The following STX10 variants were observed in gnomAD, a reference collection of about 807,000 sequenced individuals.
The protein encoded by STX10 is syntaxin-10.
A neutral mutation model predicts 34.1 loss-of-function variants in STX10; 35 were observed. That is an observed-to-expected ratio of 1.03 (90% confidence interval 0.78 to 1.36). The LOEUF (loss-of-function observed/expected upper bound fraction) is 1.36, where lower values mean the gene tolerates loss of function less well. Among genes scored for constraint, STX10 ranks in the 40% most tolerant of loss-of-function variants. STX10 has a pLI of 0.00. For missense variants in STX10, 361 were observed against 335.5 expected, an observed-to-expected ratio of 1.08 and a Z score of -0.59; for synonymous variants, 155 against 132.9, an observed-to-expected ratio of 1.17 and a Z score of -1.15.
chr19:13,145,832 T>C (rs2019886391), intron 4 of STX10, among the ~76,000 whole-genome samples: 2 of 151,934 alleles, frequency 1.3e-5, no homozygotes, highest in South Asian at 4.1e-4. Context: ...GAGAGCAGCC[T>C]GGCCAACATG....
intron 4 of STX10, among the ~76,000 whole-genome samples, chr19:13,147,921 C>A (rs1207431153): frequency 7.7e-6 from 1 of 129,638 alleles, no homozygotes; most frequent in South Asian, 2.6e-4. Context: ...AAAAAATTAG[C>A]CGGGTGTGGT....
rs1488834848 is a variant in STX10, at chr19:13,144,807, G to C, written c.535C>G (p.His179Asp). Residue 179 changes from histidine (H) to aspartate (D), a missense_variant, in exon 6 of 8, where the codon CAC becomes GAC. Physicochemically the swap from His to Asp is moderately conservative, Grantham distance 81. Transcript: ENST00000587230. ...MVSGSIQVLK[H>D]MSGRVGEELD... ...TCTTCTCCAACGCGGCCGGACATGT[G>C]CTTCAGAACCTGGATGCTCCCAGAC... The C allele has an allele frequency of 6.2e-7, 1 of 1,613,908 alleles. No individual in the cohort carries two copies. The highest frequency in any genetic ancestry group is 1.3e-5 in the African/African-American group (1 of 74,944).
intron 4 of STX10, among the ~76,000 whole-genome samples, chr19:13,147,079 A>AACACACACACACACAC (rs55785762): frequency 9.6e-5 from 14 of 145,140 alleles, no homozygotes; most frequent in Non-Finnish European, 1.4e-4. Flanking sequence ...GAAACACAGA[A>AACACACACACACACAC]ACACACACAC....
rs2020034184 is a variant in STX10 at position 13,150,266 on chromosome 19, G to A, written c.-93C>T. 2 of 657,314 alleles carry A rather than the reference G, an allele frequency of 3.0e-6. No homozygotes were observed. Among genetic ancestry groups the A allele is most frequent in the South Asian group, 3.3e-5 (2 of 61,498 alleles). 40.7% of individuals were successfully genotyped at this position (657,314 alleles called of 1,614,324 possible). A position where few individuals can be genotyped will look rare whatever the true frequency, so the allele number is the denominator to read the frequency against. ...CCGAGGAGAACGCGCCGCCACCCCC[G>A]CCCCCGTCACGCCACCATCGAGAGC... is the stretch of plus-strand genomic sequence containing the variant. On this transcript the variant is annotated 5_prime_UTR_variant, in exon 1 of 8. Transcript: ENST00000587230. This position sits in a 1 kb window ranked among gnomAD's most constrained non-coding sequence, Gnocchi z 4.0.
In STX10 at chr19:13,144,361, T is replaced by G; in HGVS notation, c.*49A>C. ...GGGGGCGAGGCCAGCTCCAAAGTGCTTGGTGGCTCCCCAGGCTTAAGGGAC... is the reference window on the plus strand; with the variant it reads ...GGGGGCGAGGCCAGCTCCAAAGTGCGTGGTGGCTCCCCAGGCTTAAGGGAC... On this transcript the variant is annotated 3_prime_UTR_variant, in exon 8 of 8. Coordinates refer to ENST00000587230, the MANE Select transcript of STX10 (RefSeq NM_003765.3). 6.3e-7 allele frequency: 1 copy of G among 1,584,152 alleles called. No individual in the cohort carries two copies. The highest frequency in any genetic ancestry group is 8.6e-7 in the Non-Finnish European group (1 of 1,166,790).
Position 13,145,320 on chromosome 19 carries a change from G to C in STX10, c.439C>G (p.Arg147Gly), listed in dbSNP as rs546725617. ...LDASAVSATSRYIEEQQATQQ... is the reference protein window; with the variant it reads ...LDASAVSATSGYIEEQQATQQ... The stretch of plus-strand genomic sequence containing the variant: ...GTGGCCTGCTGCTCCTCGATGTAGC[G>C]AGATGTGGCCGAGACTGCGCTGGCA... The change falls in exon 5 of 8, where the codon CGC (arginine) becomes GGC (glycine). Residue 147 changes from arginine to glycine, a missense_variant. Transcript: ENST00000587230. 1.2e-6 allele frequency: 2 copies of C among 1,611,832 alleles called. No homozygotes were observed. The highest frequency in any genetic ancestry group is 1.3e-5 in the African/African-American group (1 of 75,064).
At position 13,149,549 on chromosome 19, in the gene STX10, C is replaced by G. The variant is rs1373752088; in HGVS notation, c.250G>C (p.Asp84His). 1 of 1,614,128 alleles carries G rather than the reference C, an allele frequency of 6.2e-7. No individual in the cohort carries two copies. The highest frequency in any genetic ancestry group is 8.5e-7 in the Non-Finnish European group (1 of 1,180,036). ...NPGKFKLPAG[D>H]LQERKVFVER... ...ACGAACACCTTTCTCTCCTGCAGGT[C>G]CCCGGCTGGGAGCTTGAACTTGCCT... is the stretch of plus-strand genomic sequence containing the variant. Residue 84 changes from aspartate (D) to histidine (H), a missense_variant, in exon 3 of 8, where the codon GAC becomes CAC. Coordinates refer to ENST00000587230, the MANE Select transcript of STX10 (RefSeq NM_003765.3).
At chr19:13,147,231 G>C (rs926695536) in intron 4 of STX10, among the ~76,000 whole-genome samples, 1 of 152,068 alleles carries the variant, frequency 6.6e-6, no homozygotes, top group Non-Finnish European at 1.5e-5. Context: ...CAGATGAAAA[G>C]GCGGGGGCGG....
chr19:13,149,023 G>A lies in STX10; in HGVS notation c.363+6C>T, dbSNP rs764670707. On this transcript the variant is annotated splice_donor_region_variant and intron_variant, in intron 4 of 7. Transcript: ENST00000587230. Reference sequence around the variant, plus strand: ...CAGGTGGGCAGGGTGGGTCAGGAAGGCTTACCTCTCTGTTATTCCTCTCCA... The same window carrying A: ...CAGGTGGGCAGGGTGGGTCAGGAAGACTTACCTCTCTGTTATTCCTCTCCA... 6.3e-6 allele frequency: 10 copies of A among 1,599,904 alleles called. No individual in the cohort carries two copies. In the Admixed American group the frequency reaches 1.0e-4, roughly 16 times the overall value.
intron 5 of STX10, among the ~76,000 whole-genome samples, 185 bp from the exon 6 acceptor site, chr19:13,145,055 C>T (rs1272755769): frequency 6.6e-6 from 1 of 152,002 alleles, no homozygotes. Flanking sequence ...AAAAATTGGC[C>T]AGGCATTGTG....
rs1279211795 is a variant in STX10, at chr19:13,149,813, G to T, written c.120C>A (p.Arg40=). The change falls in exon 2 of 8, where the codon CGC becomes CGA. Residue 40 remains arginine, a synonymous_variant. Transcript: ENST00000587230. The stretch of plus-strand genomic sequence containing the variant: ...CATTGGTCGTCCAGTCCAGCTCCTC[G>T]CGTCCGACCGCCGCGCTTTCCTGCA... ...ELLQESAAVG[R]EELDWTTNEL... 6.2e-7 allele frequency: 1 copy of T among 1,613,558 alleles called. No homozygotes were observed. Among genetic ancestry groups the T allele is most frequent in the Non-Finnish European group, 8.5e-7 (1 of 1,179,976 alleles).
rs748345935 is a variant in STX10, at chr19:13,149,526, G to A, written c.273C>T (p.Phe91=). The A allele has an allele frequency of 1.2e-5, 20 of 1,613,438 alleles. No homozygotes were observed. Among genetic ancestry groups the A allele is most frequent in the African/African-American group, 4.0e-5 (3 of 74,694 alleles). The change falls in exon 3 of 8, where the codon TTC becomes TTT. Residue 91 remains phenylalanine (F), a synonymous_variant. Transcript: ENST00000587230. ...GGACTGCCTCTCGCATCCGCTCCACGAACACCTTTCTCTCCTGCAGGTCCC... is the reference window on the plus strand; with the variant it reads ...GGACTGCCTCTCGCATCCGCTCCACAAACACCTTTCTCTCCTGCAGGTCCC... ...PAGDLQERKV[F]VERMREAVQE...
At position 13,144,058 on chromosome 19, in the gene STX10, T is replaced by G; in HGVS notation, c.*352A>C. The G allele has an allele frequency of 3.1e-6, 1 of 323,068 alleles. No individual in the cohort carries two copies. The highest frequency in any genetic ancestry group is 4.8e-5 in the South Asian group (1 of 20,806). The allele number at this position is 323,068 out of a possible 1,614,324, so 20.0% of individuals were successfully genotyped here. ...GTCAACACACACCACACGACACAAA[T>G]ACGTATAAAAAAGGCTGACATTTTA... On this transcript the variant is annotated 3_prime_UTR_variant, in exon 8 of 8. Coordinates refer to ENST00000587230, the MANE Select transcript of STX10 (RefSeq NM_003765.3).
chr19:13,145,443 C>T (rs769924992), intron 4 of STX10, 48 bp from the exon 5 acceptor site: 77 of 1,534,732 alleles, frequency 5.0e-5, no homozygotes, highest in Non-Finnish European at 6.5e-5. Flanking sequence ...CAACTCACAG[C>T]GGGGCCTGTG....
At chr19:13,147,726 G>A (rs1370468768) in intron 4 of STX10, among the ~76,000 whole-genome samples, 1 of 151,670 alleles carries the variant, frequency 6.6e-6, no homozygotes, top group Non-Finnish European at 1.5e-5. Context: ...TTGAAGCCCC[G>A]TCTCTACTAG....
intron 4 of STX10, among the ~76,000 whole-genome samples, chr19:13,147,893 CAAAAAAA>C (rs1159793123): frequency 9.2e-5 from 5 of 54,624 alleles, no homozygotes; most frequent in Admixed American, 5.0e-4. Flanking sequence ...CACTCCGTCT[CAAAAAAA>C]AAAAAAAAAA....
chr19:13,147,009 TA>T (rs1202350122), intron 4 of STX10, among the ~76,000 whole-genome samples: 2 of 142,874 alleles, frequency 1.4e-5, no homozygotes, highest in Non-Finnish European at 3.1e-5. Context: ...GTTCTCAACA[TA>T]TGAAAAATAT....
chr19:13,150,041 G>T lies in STX10; in HGVS notation c.35+98C>A, dbSNP rs2020023961. The T allele has an allele frequency of 7.8e-7, 1 of 1,274,884 alleles. No individual in the cohort carries two copies. The highest frequency in any genetic ancestry group is 1.1e-6 in the Non-Finnish European group (1 of 895,972). 79.0% of individuals were successfully genotyped at this position (1,274,884 alleles called of 1,614,324 possible). On this transcript the variant is annotated intron_variant, in intron 1 of 7. Coordinates refer to ENST00000587230, the MANE Select transcript of STX10 (RefSeq NM_003765.3). This position sits in a 1 kb window ranked among gnomAD's most constrained non-coding sequence, Gnocchi z 4.0. ...GCGCCTCCCACTCTGCACCCCGACG[G>T]CCTTGCCCAGCCCGCCGGGCACGCT...
intron 4 of STX10, 42 bp from the exon 5 acceptor site, chr19:13,145,437 T>C (rs2019876830): frequency 6.4e-6 from 10 of 1,552,738 alleles, no homozygotes; most frequent in African/African-American, 1.4e-5. Context: ...AGACCCCAAC[T>C]CACAGCGGGG....
Sources: gnomAD v4.1 joint callset for allele counts (sites outside exome capture counted in the v4.1 genomes callset) on GRCh38, gnomAD v4.1.1 for gene constraint, Gnocchi (gnomAD v3.1) non-coding constraint, MANE v1.5 for transcripts, NCBI Gene and HGNC (gene_info 2026-07-23, HGNC 2026-07-21) for gene names.